The following SLMAP variants were observed in gnomAD, a reference collection of about 807,000 sequenced individuals.
The protein encoded by SLMAP is sarcolemmal membrane-associated protein.
A neutral mutation model predicts 128.8 loss-of-function variants in SLMAP; 44 were observed. The ratio of observed to expected loss-of-function variants is 0.34; its 90% CI spans 0.27 to 0.44. The LOEUF (loss-of-function observed/expected upper bound fraction) is 0.44, where lower values mean the gene tolerates loss of function less well. Among genes scored for constraint, SLMAP ranks in the 20% least tolerant of loss-of-function variants. The pLI is 1.00. For synonymous variants in SLMAP, 327 were observed against 348.8 expected, an observed-to-expected ratio of 0.94 and a Z score of 0.70; for missense variants, 787 against 985.3, an observed-to-expected ratio of 0.80 and a Z score of 2.69.
At chr3:57,792,799 A>G (rs990208732) in intron 2 of SLMAP, among the ~76,000 whole-genome samples, 1 of 152,160 alleles carries the variant, frequency 6.6e-6, no homozygotes, top group African/African-American at 2.4e-5. Context: ...TTTTAAAGAA[A>G]TGTAAAAAGT....
chr3:57,906,310 C>CTTTTTCTTTTTCTTTTTTTT (rs2096549127), intron 17 of SLMAP, among the ~76,000 whole-genome samples: 2 of 47,048 alleles, frequency 4.3e-5, no homozygotes, highest in African/African-American at 1.4e-4. Flanking sequence ...CTTTTTTTTT[C>CTTTTTCTTTTTCTTTTTTTT]TTTTTTTTTT....
At chr3:57,823,170 T>C (rs1392327160) in intron 2 of SLMAP, among the ~76,000 whole-genome samples, 3 of 152,336 alleles carry the variant, frequency 2.0e-5, no homozygotes, top group African/African-American at 4.8e-5. Flanking sequence ...ATTGGACTTA[T>C]CAGACAAAAA....
intron 2 of SLMAP, among the ~76,000 whole-genome samples, chr3:57,771,958 TAGTC>T (rs1191315280): frequency 3.9e-5 from 6 of 152,230 alleles, no homozygotes; most frequent in Non-Finnish European, 7.3e-5. Flanking sequence ...TACAAGAATC[TAGTC>T]AGTCAGTTAG....
chr3:57,761,154 A>G (rs1308714762), intron 2 of SLMAP, among the ~76,000 whole-genome samples: 2 of 152,128 alleles, frequency 1.3e-5, no homozygotes, highest in African/African-American at 4.8e-5. Flanking sequence ...AATACTCAGC[A>G]GAGAGGGTGT....
At chr3:57,895,732 A>G (rs1367923415) in intron 15 of SLMAP, among the ~76,000 whole-genome samples, 1 of 152,070 alleles carries the variant, frequency 6.6e-6, no homozygotes, top group East Asian at 1.9e-4. Context: ...AGTTTAGCCC[A>G]GGAGTTTGAG....
At chr3:57,836,938 A>T (rs1383854792) in intron 3 of SLMAP, among the ~76,000 whole-genome samples, 1 of 152,196 alleles carries the variant, frequency 6.6e-6, no homozygotes, top group Admixed American at 6.5e-5. Flanking sequence ...AGTTCTGTGA[A>T]CACATGTAAC....
chr3:57,766,165 A>ATTTTTTTTTTTTTTTTTTTTT (rs869169620), intron 2 of SLMAP, among the ~76,000 whole-genome samples: 1 of 85,704 alleles, frequency 1.2e-5, no homozygotes. Flanking sequence ...CACCCGGCTA[A>ATTTTTTTTTTTTTTTTTTTTT]TTTTTTTTTT....
intron 4 of SLMAP, among the ~76,000 whole-genome samples, chr3:57,843,708 C>CCT (rs1560200156): frequency 1.5e-4 from 11 of 71,812 alleles, no homozygotes; most frequent in African/African-American, 6.6e-4. Flanking sequence ...CCTTCCTTTT[C>CCT]TTTCTTTCTT....
At chr3:57,840,447 T>A (rs2093878986) in intron 3 of SLMAP, among the ~76,000 whole-genome samples, 2 of 152,162 alleles carry the variant, frequency 1.3e-5, no homozygotes, top group African/African-American at 2.4e-5. Context: ...AAATAATTCT[T>A]TGAACTCTGG....
intron 6 of SLMAP, among the ~76,000 whole-genome samples, chr3:57,851,563 C>G (rs2094503032): frequency 6.6e-6 from 1 of 151,688 alleles, no homozygotes; most frequent in Non-Finnish European, 1.5e-5. Context: ...ACCTCCACCT[C>G]CCGGGTTCAA....
intron 2 of SLMAP, among the ~76,000 whole-genome samples, chr3:57,798,713 G>A (rs1460668022): frequency 6.6e-6 from 1 of 152,176 alleles, no homozygotes; most frequent in East Asian, 1.9e-4. Flanking sequence ...GCCAAATGCT[G>A]TTAAGAGATA....
intron 15 of SLMAP, among the ~76,000 whole-genome samples, chr3:57,891,945 G>A (rs1553919415): frequency 6.6e-6 from 1 of 152,092 alleles, no homozygotes; most frequent in Non-Finnish European, 1.5e-5. Flanking sequence ...TTGTTTAAAA[G>A]CAACAAGAGG....
At chr3:57,915,955 A>G (rs2153696774) in intron 21 of SLMAP, among the ~76,000 whole-genome samples, 2 of 152,228 alleles carry the variant, frequency 1.3e-5, no homozygotes, top group African/African-American at 4.8e-5. Context: ...TCAGAAGTTC[A>G]ACACCAGCCT....
At chr3:57,842,731 A>G (rs1295918222) in intron 4 of SLMAP, among the ~76,000 whole-genome samples, 2 of 151,898 alleles carry the variant, frequency 1.3e-5, no homozygotes, top group African/African-American at 2.4e-5. Flanking sequence ...ATCTTTGCCC[A>G]TTTTCTTCTC....
At chr3:57,858,237 G>A (rs1229718862) in intron 8 of SLMAP, 78 bp downstream of exon 8, 1 of 849,258 alleles carries the variant, frequency 1.2e-6, no homozygotes, top group Admixed American at 2.0e-5. Flanking sequence ...ATCATTTTGA[G>A]TATATGCTAA....
intron 2 of SLMAP, among the ~76,000 whole-genome samples, chr3:57,780,868 C>T (rs2082895388): frequency 6.6e-6 from 1 of 151,812 alleles, no homozygotes; most frequent in South Asian, 2.1e-4. Context: ...GTCTTGAACT[C>T]CTGAGCTCAA....
chr3:57,893,247 A>G (rs1378838453), intron 15 of SLMAP, among the ~76,000 whole-genome samples: 1 of 152,074 alleles, frequency 6.6e-6, no homozygotes, highest in East Asian at 1.9e-4. Context: ...TGGGCAACAT[A>G]GGGAGACCCT....
Position 57,857,782 on chromosome 3 carries a change from A to G in SLMAP, c.569A>G (p.Gln190Arg). Reference sequence around the variant, plus strand: ...TTGGAACAGAAGTTAGCCACGCTTCAGCGGCTACTAGCCATCACCCAAGAG... The same window carrying G: ...TTGGAACAGAAGTTAGCCACGCTTCGGCGGCTACTAGCCATCACCCAAGAG... Reference protein sequence around the residue: ...QMLEQKLATLQRLLAITQEAS... With the variant: ...QMLEQKLATLRRLLAITQEAS... Residue 190 changes from glutamine (Q) to arginine (R), a missense_variant, in exon 7 of 25, where the codon CAG becomes CGG. Transcript: ENST00000671191. 6.2e-7 allele frequency: 1 copy of G among 1,613,938 alleles called. No homozygotes were observed. Among genetic ancestry groups the G allele is most frequent in the Non-Finnish European group, 8.5e-7 (1 of 1,179,780 alleles).
intron 14 of SLMAP, among the ~76,000 whole-genome samples, chr3:57,880,784 C>T (rs568522334): frequency 6.6e-6 from 1 of 152,004 alleles, no homozygotes; most frequent in Non-Finnish European, 1.5e-5. Flanking sequence ...GCCCGGGAGG[C>T]TGAGGTGGGA....
Sources: gnomAD v4.1 joint callset for allele counts (sites outside exome capture counted in the v4.1 genomes callset) on GRCh38, gnomAD v4.1.1 for gene constraint, MANE v1.5 for transcripts, NCBI Gene and HGNC (gene_info 2026-07-23, HGNC 2026-07-21) for gene names.